The following NBEA variants were observed in gnomAD, a reference collection of about 807,000 sequenced individuals.
NBEA encodes lysosomal-trafficking regulator 2.
NBEA carries 44 observed loss-of-function variants against 343.4 expected under a neutral mutation model. The observed-to-expected ratio is 0.13, with a 90% CI of 0.10 to 0.16. The LOEUF (loss-of-function observed/expected upper bound fraction) is 0.16, where lower values mean the gene tolerates loss of function less well. Ranked by LOEUF, NBEA falls within the 10% of genes least tolerant of loss-of-function variation. NBEA has a pLI of 1.00. For missense variants in NBEA, 2,555 were observed against 3,631.3 expected (o/e 0.70, Z 7.62); for synonymous variants, 1,175 against 1,238.7 (o/e 0.95, Z 1.08).
At chr13:35,364,551 A>G (rs571825374) in intron 38 of NBEA, among the ~76,000 whole-genome samples, 2 of 151,822 alleles carry the variant, frequency 1.3e-5, no homozygotes, top group Non-Finnish European at 3.0e-5. Flanking sequence ...ACATTGTAGG[A>G]TGTTTGAATT....
intron 1 of NBEA, among the ~76,000 whole-genome samples, chr13:34,990,788 T>G (rs58580736): frequency 6.6e-6 from 1 of 152,256 alleles, no homozygotes; most frequent in Admixed American, 6.5e-5. Context: ...TTATGCTGTT[T>G]CCTTTTTAAG....
intron 34 of NBEA, among the ~76,000 whole-genome samples, chr13:35,238,919 T>C (rs1183381616): frequency 4.6e-5 from 7 of 152,138 alleles, no homozygotes; most frequent in Admixed American, 4.6e-4. Context: ...TATTCTAAAA[T>C]GAATGAGCCT....
intron 55 of NBEA, among the ~76,000 whole-genome samples, chr13:35,661,932 GA>G (rs1488713898): frequency 6.6e-6 from 1 of 152,114 alleles, no homozygotes; most frequent in Non-Finnish European, 1.5e-5. Flanking sequence ...GGAGGTCTTA[GA>G]AACTCCACTG....
chr13:35,008,094 A>G (rs2061373185), intron 1 of NBEA, among the ~76,000 whole-genome samples: 1 of 152,162 alleles, frequency 6.6e-6, no homozygotes, highest in African/African-American at 2.4e-5. Flanking sequence ...GCAGTCACAG[A>G]TTGTTACAAT....
At position 35,232,564 on chromosome 13, in the gene NBEA, C is replaced by G; in HGVS notation, c.5721C>G (p.Ala1907=). 1 of 1,557,574 alleles carries G rather than the reference C, an allele frequency of 6.4e-7. No homozygotes were observed. The highest frequency in any genetic ancestry group is 8.7e-7 in the Non-Finnish European group (1 of 1,148,854). Residue 1907 remains alanine (A), a synonymous_variant, in exon 34 of 59, where the codon GCC becomes GCG. Coordinates refer to ENST00000379939, the MANE Select transcript of NBEA (RefSeq NM_001385012.1). The part of the protein sequence containing the change: ...PLLREIFVDF[A]PFLSRTLLGS... ...TTCGTGAAATTTTTGTAGACTTTGC[C>G]CCATTCCTATCTCGTACACTTCTTG...
chr13:35,059,005 T>C, intron 8 of NBEA, 142 bp downstream of exon 8: 1 of 655,476 alleles, frequency 1.5e-6, no homozygotes, highest in Non-Finnish European at 2.3e-6. Flanking sequence ...TATTATATGT[T>C]TCTTTTTGGT....
intron 38 of NBEA, among the ~76,000 whole-genome samples, chr13:35,417,683 G>A (rs1027912097): frequency 1.3e-5 from 2 of 152,168 alleles, no homozygotes; most frequent in African/African-American, 4.8e-5. Flanking sequence ...GAATAGGTGT[G>A]ATGTGGTGCT....
At chr13:35,218,557 A>C (rs1183864964) in intron 33 of NBEA, among the ~76,000 whole-genome samples, 2 of 152,034 alleles carry the variant, frequency 1.3e-5, no homozygotes, top group Non-Finnish European at 2.9e-5. Context: ...TCATGGTTAT[A>C]GCAGGCATTC....
At chr13:35,301,871 C>T (rs183989181) in intron 35 of NBEA, among the ~76,000 whole-genome samples, 104 of 152,230 alleles carry the variant, frequency 6.8e-4, no homozygotes, top group African/African-American at 2.2e-3. Context: ...TTTTAATGAT[C>T]GCCATTCTAA....
chr13:35,133,607 A>G (rs1407387880), intron 17 of NBEA, among the ~76,000 whole-genome samples: 1 of 152,118 alleles, frequency 6.6e-6, no homozygotes, highest in African/African-American at 2.4e-5. Context: ...ATATTCATAC[A>G]GTTGGATATA....
chr13:35,337,579 A>C (rs1314981934), intron 36 of NBEA, among the ~76,000 whole-genome samples: 1 of 152,118 alleles, frequency 6.6e-6, no homozygotes, highest in East Asian at 1.9e-4. Context: ...CCCATTTTGA[A>C]TAATGGATAG....
chr13:35,006,413 T>G (rs1211792567), intron 1 of NBEA, among the ~76,000 whole-genome samples: 2 of 152,160 alleles, frequency 1.3e-5, no homozygotes, highest in Admixed American at 1.3e-4. Flanking sequence ...TCATTTATCC[T>G]TCTCCCAAAT....
At chr13:35,299,626 A>G (rs577180876) in intron 35 of NBEA, among the ~76,000 whole-genome samples, 1 of 152,326 alleles carries the variant, frequency 6.6e-6, no homozygotes, top group South Asian at 2.1e-4. Flanking sequence ...AAGACTTGGC[A>G]GCTCTCTGCA....
intron 46 of NBEA, chr13:35,592,902 A>T (rs2081602041): frequency 1.3e-5 from 2 of 151,734 alleles, no homozygotes; most frequent in African/African-American, 5.1e-5. Flanking sequence ...CACTGCAGTG[A>T]TCAGTATCAG....
chr13:35,179,691 T>C, intron 28 of NBEA: 1 of 746,802 alleles, frequency 1.3e-6, no homozygotes, highest in Non-Finnish European at 1.6e-6. Flanking sequence ...CACATATTTG[T>C]TGAATGCCTT....
chr13:34,996,317 AT>A (rs1421845328), intron 1 of NBEA, among the ~76,000 whole-genome samples: 19 of 152,088 alleles, frequency 1.2e-4, no homozygotes, highest in Non-Finnish European at 2.6e-4. Flanking sequence ...TTTATTATTT[AT>A]TTTACATTCA....
chr13:35,021,703 A>G (rs2061845764), intron 1 of NBEA, among the ~76,000 whole-genome samples: 1 of 152,134 alleles, frequency 6.6e-6, no homozygotes, highest in Non-Finnish European at 1.5e-5. Context: ...CTTAAAAGTA[A>G]TATGCTACTT....
At chr13:35,362,907 T>C (rs2040892457) in intron 38 of NBEA, among the ~76,000 whole-genome samples, 1 of 151,968 alleles carries the variant, frequency 6.6e-6, no homozygotes, top group South Asian at 2.1e-4. Context: ...AGGTAAGCAC[T>C]AAAACAAAGT....
intron 38 of NBEA, among the ~76,000 whole-genome samples, chr13:35,359,263 C>T (rs552962580): frequency 1.3e-5 from 2 of 152,072 alleles, no homozygotes; most frequent in Non-Finnish European, 2.9e-5. Flanking sequence ...TCTATAGCAT[C>T]CCTTGGCTTT....
Sources: allele counts gnomAD v4.1 joint callset (sites outside exome capture counted in the v4.1 genomes callset), GRCh38; gene constraint gnomAD v4.1.1; transcripts MANE v1.5; gene names NCBI Gene and HGNC (gene_info 2026-07-23, HGNC 2026-07-21).